The following RNASE4 variants were observed in gnomAD, a reference collection of about 807,000 sequenced individuals.
RNASE4 encodes ribonuclease A family member 4, also known as ribonuclease 4.
For missense variants in RNASE4, 194 were observed against 192.8 expected (o/e 1.01, Z -0.04); for synonymous variants, 93 against 71.4 (o/e 1.30, Z -1.52).
chr14:20,687,023 A>G (rs982091159), intron 1 of RNASE4, among the ~76,000 whole-genome samples: 1 of 152,226 alleles, frequency 6.6e-6, no homozygotes, highest in Admixed American at 6.5e-5. Flanking sequence ...GGAAAGGGGA[A>G]TGACTTTCAA....
intron 1 of RNASE4, among the ~76,000 whole-genome samples, chr14:20,691,317 C>A (rs1009998004): frequency 2.6e-5 from 4 of 152,296 alleles, no homozygotes; most frequent in Non-Finnish European, 5.9e-5. Flanking sequence ...TAAGGCAGAC[C>A]TTTGACATTA....
chr14:20,699,369 C>T lies in RNASE4; in HGVS notation c.-3C>T. ...TTCTTTTCTAGGCACCTCTAAGATA[C>T]TGATGGCTCTGCAGAGGACCCATTC... On this transcript the variant is annotated 5_prime_UTR_variant, in exon 2 of 2. Transcript: ENST00000555835. 1.3e-6 allele frequency: 2 copies of T among 1,585,278 alleles called. No individual in the cohort carries two copies. The highest frequency in any genetic ancestry group is 4.5e-5 in the East Asian group (2 of 44,456).
chr14:20,686,097 G>A (rs752951979), intron 1 of RNASE4, among the ~76,000 whole-genome samples: 8 of 151,520 alleles, frequency 5.3e-5, no homozygotes, highest in Non-Finnish European at 1.2e-4. Flanking sequence ...GCCGGCGAAT[G>A]CAATGAGTTC....
chr14:20,688,516 T>C (rs1182142991), intron 1 of RNASE4: 2 of 168,146 alleles, frequency 1.2e-5, no homozygotes, highest in Non-Finnish European at 1.2e-5. Context: ...ACCTCAGTCC[T>C]GCCATGAACA....
At chr14:20,693,505 T>G in intron 1 of RNASE4, 2 of 1,604,220 alleles carry the variant, frequency 1.2e-6, no homozygotes, top group Admixed American at 3.3e-5. Flanking sequence ...AATTTGGTGA[T>G]GCTGTTCTTG....
intron 1 of RNASE4, among the ~76,000 whole-genome samples, chr14:20,693,003 ACGCC>A (rs1422131594): frequency 6.6e-6 from 1 of 151,378 alleles, no homozygotes; most frequent in Non-Finnish European, 1.5e-5. Flanking sequence ...GCCCGCCACT[ACGCC>A]CGGCTAATTT....
intron 1 of RNASE4, among the ~76,000 whole-genome samples, chr14:20,694,933 C>A (rs1307563312): frequency 6.6e-6 from 1 of 152,100 alleles, no homozygotes; most frequent in Admixed American, 6.5e-5. Flanking sequence ...TTCAGGGTAG[C>A]CACCTTTTGT....
chr14:20,699,094 G>A (rs1486525774), intron 1 of RNASE4: 8 of 390,402 alleles, frequency 2.0e-5, no homozygotes, highest in Admixed American at 8.3e-5. Context: ...GTCAGTCCCT[G>A]CCCTGTGTCA....
At chr14:20,688,616 C>A in intron 1 of RNASE4, 2 of 849,858 alleles carry the variant, frequency 2.4e-6, no homozygotes, top group Non-Finnish European at 1.4e-6. Context: ...AATCTCTAAT[C>A]CATTCAGGTG....
intron 1 of RNASE4, among the ~76,000 whole-genome samples, chr14:20,691,582 A>G (rs1159517789): frequency 2.0e-5 from 3 of 152,208 alleles, no homozygotes; most frequent in African/African-American, 7.2e-5. Context: ...CTTTCTTGAT[A>G]AACTCCCAAG....
intron 1 of RNASE4, among the ~76,000 whole-genome samples, chr14:20,690,059 C>CA (rs1468106809): frequency 6.9e-6 from 1 of 144,884 alleles, no homozygotes; most frequent in Non-Finnish European, 1.5e-5. Flanking sequence ...ACTAAAAATA[C>CA]AAAAAATTAG....
chr14:20,699,630 ACCACCAATAT>A lies in RNASE4; in HGVS notation c.263_272del (p.Thr88AsnfsTer7), dbSNP rs1887222447. On this transcript the variant is annotated frameshift_variant, in exon 2 of 2. Coordinates refer to ENST00000555835, the MANE Select transcript of RNASE4 (RefSeq NM_002937.5). LOFTEE classifies it low-confidence loss of function (END_TRUNC). Reference sequence around the variant, plus strand: ...CTGGAACATTCGTAGTATCTGCAGCACCACCAATATCCAATGCAAGAACGGCAAGATGAAC... The same window carrying A: ...CTGGAACATTCGTAGTATCTGCAGCACCAATGCAAGAACGGCAAGATGAAC... The A allele has an allele frequency of 6.2e-7, 1 of 1,613,458 alleles. No homozygotes were observed. The highest frequency in any genetic ancestry group is 1.1e-5 in the South Asian group (1 of 91,090).
intron 1 of RNASE4, chr14:20,688,724 T>A: frequency 7.1e-6 from 7 of 985,164 alleles, no homozygotes; most frequent in Non-Finnish European, 7.2e-6. Flanking sequence ...CTGCCAGGAC[T>A]GGGACACTAT....
At chr14:20,697,034 A>G (rs575413553) in intron 1 of RNASE4, among the ~76,000 whole-genome samples, 1 of 152,342 alleles carries the variant, frequency 6.6e-6, no homozygotes, top group African/African-American at 2.4e-5. Flanking sequence ...TGTGGAGATC[A>G]TTCAATTTTC....
chr14:20,699,292 C>G (rs1887197253), intron 1 of RNASE4, 63 bp from the exon 2 acceptor site: 2 of 1,415,230 alleles, frequency 1.4e-6, no homozygotes, highest in Admixed American at 2.3e-5. Flanking sequence ...TTGCTATTCT[C>G]AACACCTTTT....
At chr14:20,685,994 T>A (rs1356958790) in intron 1 of RNASE4, among the ~76,000 whole-genome samples, 1 of 150,112 alleles carries the variant, frequency 6.7e-6, no homozygotes, top group Non-Finnish European at 1.5e-5. Flanking sequence ...GAACAGAGAT[T>A]GCGTCACTGC....
chr14:20,687,118 G>A (rs1886463194), intron 1 of RNASE4, among the ~76,000 whole-genome samples: 1 of 152,224 alleles, frequency 6.6e-6, no homozygotes, highest in African/African-American at 2.4e-5. Flanking sequence ...TACTGACAAA[G>A]ATGTGATGTT....
At position 20,699,913 on chromosome 14, in the gene RNASE4, T is replaced by G. The variant is rs1391843223; in HGVS notation, c.*98T>G. 6.0e-6 allele frequency: 6 copies of G among 992,832 alleles called. No homozygotes were observed. Among genetic ancestry groups the G allele is most frequent in the Non-Finnish European group, 9.3e-6 (6 of 647,930 alleles). The allele number at this position is 992,832 out of a possible 1,614,324, so 61.5% of individuals were successfully genotyped here. A position where few individuals can be genotyped will look rare whatever the true frequency, so the allele number is the denominator to read the frequency against. On this transcript the variant is annotated 3_prime_UTR_variant, in exon 2 of 2. Transcript: ENST00000555835. Reference sequence around the variant, plus strand: ...TTGAGCTGTCCCAGGCTCTGTCTCCTCAGCTCATTTCCTACTCTTTTTCTC... The same window carrying G: ...TTGAGCTGTCCCAGGCTCTGTCTCCGCAGCTCATTTCCTACTCTTTTTCTC...
At chr14:20,694,636 G>A (rs1228141300) in intron 1 of RNASE4, among the ~76,000 whole-genome samples, 2 of 152,124 alleles carry the variant, frequency 1.3e-5, no homozygotes, top group Non-Finnish European at 2.9e-5. Context: ...CAAGTCATTA[G>A]GGAGGTAGAC....
Sources: allele counts gnomAD v4.1 joint callset (sites outside exome capture counted in the v4.1 genomes callset), GRCh38; gene constraint gnomAD v4.1.1; transcripts MANE v1.5; gene names NCBI Gene and HGNC (gene_info 2026-07-23, HGNC 2026-07-21).